GPR107: variants seen among roughly 807,000 people sequenced by gnomAD.
GPR107 encodes the protein protein GPR107.
Under a neutral mutation model 75.5 loss-of-function variants are expected in GPR107, and 31 were observed. The ratio of observed to expected loss-of-function variants is 0.41; its 90% confidence interval spans 0.31 to 0.55. The LOEUF is 0.55. Ranked by LOEUF, GPR107 falls within the 20% of genes least tolerant of loss-of-function variation. The pLI is 0.26. For missense variants in GPR107, 572 were observed against 665.7 expected (o/e 0.86, Z 1.55); for synonymous variants, 267 against 251.3 (o/e 1.06, Z -0.59).
chr9:130,135,032 A>T lies in GPR107; in HGVS notation c.1570A>T (p.Thr524Ser). 1 of 1,590,628 alleles carries T rather than the reference A, an allele frequency of 6.3e-7. No individual in the cohort carries two copies. Among genetic ancestry groups the T allele is most frequent in the Non-Finnish European group, 8.6e-7 (1 of 1,159,312 alleles). ...EDLEMESVVT[T>S]SGVMESMKKV... ...TTTTCTTTCCTTGTTCAGTGTGACAACATCTGGGGTGATGGAAAGTATGAA... is the reference window on the plus strand; with the variant it reads ...TTTTCTTTCCTTGTTCAGTGTGACATCATCTGGGGTGATGGAAAGTATGAA... The change falls in exon 18 of 18, where the codon ACA (threonine) becomes TCA (serine). Residue 524 changes from threonine (T) to serine (S), a missense_variant. By Grantham distance (58) the Thr-to-Ser change is moderately conservative. Transcript: ENST00000347136.
At chr9:130,121,582 C>G (rs1317843149) in intron 14 of GPR107, among the ~76,000 whole-genome samples, 1 of 152,224 alleles carries the variant, frequency 6.6e-6, no homozygotes, top group African/African-American at 2.4e-5. Flanking sequence ...ACTTTTCCTT[C>G]CCTGATATGT....
Position 130,105,740 on chromosome 9 carries a change from C to T in GPR107, c.1262+1190C>T, listed in dbSNP as rs563180742. Among the ~76,000 whole-genome samples the T allele has an allele frequency of 2.2e-4, 33 of 152,146 alleles. 1 individual carries two copies. In the South Asian group the frequency reaches 2.9e-3, roughly 13 times the overall value. On this transcript the variant is annotated intron_variant, in intron 13 of 17. Transcript: ENST00000347136. ...CACACATGATCTCGTATCAGTTCAG[C>T]AGACAGCTACCAGCATAGAAGAGAG...
chr9:130,077,283 G>A lies in GPR107; in HGVS notation c.307-16G>A. 1 of 1,332,494 alleles carries A rather than the reference G, an allele frequency of 7.5e-7. No individual in the cohort carries two copies. Among genetic ancestry groups the A allele is most frequent in the Non-Finnish European group, 1.1e-6 (1 of 922,870 alleles). The allele number at this position is 1,332,494 out of a possible 1,614,324, so 82.5% of individuals were successfully genotyped here. On this transcript the variant is annotated splice_polypyrimidine_tract_variant and intron_variant, in intron 3 of 17. Transcript: ENST00000347136. Reference sequence around the variant, plus strand: ...GAATGAATAAGATGATGTACAATTGGCTCTTCCTTTCTCAGGATGAAGATG... The same window carrying A: ...GAATGAATAAGATGATGTACAATTGACTCTTCCTTTCTCAGGATGAAGATG...
chr9:130,075,531 C>T, intron 1 of GPR107, 105 bp from the exon 2 acceptor site: 1 of 630,234 alleles, frequency 1.6e-6, no homozygotes, highest in Non-Finnish European at 2.9e-6. Context: ...CAGGCTTGAG[C>T]CACCGTGCCC....
Position 130,076,397 on chromosome 9 carries a change from T to A in GPR107, c.256-15T>A, listed in dbSNP as rs1203128259. 2 of 1,490,238 alleles carry A rather than the reference T, an allele frequency of 1.3e-6. No individual in the cohort carries two copies. The highest frequency in any genetic ancestry group is 1.9e-6 in the Non-Finnish European group (2 of 1,067,290). The allele number at this position is 1,490,238 out of a possible 1,614,324, so 92.3% of individuals were successfully genotyped here. ...TGTGTAGATATTTACTTCTACTGTT[T>A]TTACTCCCCATTAGATTGGATTTAG... On this transcript the variant is annotated splice_polypyrimidine_tract_variant and intron_variant, in intron 2 of 17. Transcript: ENST00000347136.
chr9:130,097,639 T>C (rs1830908019), intron 9 of GPR107, among the ~76,000 whole-genome samples: 1 of 152,148 alleles, frequency 6.6e-6, no homozygotes, highest in African/African-American at 2.4e-5. Flanking sequence ...TTTCTCTGAA[T>C]ATTGGTGATG....
intron 17 of GPR107, among the ~76,000 whole-genome samples, chr9:130,132,762 G>C (rs997174392): frequency 1.3e-5 from 2 of 151,096 alleles, no homozygotes; most frequent in South Asian, 4.2e-4. Flanking sequence ...CTCCAGCCTG[G>C]GTGACAGAGC....
chr9:130,064,116 GTTTATTCTT>G, intron 1 of GPR107, among the ~76,000 whole-genome samples: 1 of 145,344 alleles, frequency 6.9e-6, no homozygotes, highest in Non-Finnish European at 1.5e-5. Context: ...CCCAGCCAGG[GTTTATTCTT>G]TTTGTAACTA....
chr9:130,102,243 G>A (rs1446530907), intron 12 of GPR107, among the ~76,000 whole-genome samples: 3 of 152,150 alleles, frequency 2.0e-5, no homozygotes. Flanking sequence ...CCGGTCTTTC[G>A]GCTGTCGAGC....
At chr9:130,129,688 G>A (rs1831771042) in intron 17 of GPR107, 1 of 152,314 alleles carries the variant, frequency 6.6e-6, no homozygotes, top group Non-Finnish European at 1.5e-5. Context: ...GCCTTTCCCA[G>A]AAGTGGCAGG....
intron 14 of GPR107, chr9:130,120,840 T>C: frequency 6.6e-6 from 1 of 151,974 alleles, no homozygotes; most frequent in Non-Finnish European, 1.5e-5. Context: ...CCCTCTCCGT[T>C]GATTTTTCAG....
At chr9:130,059,471 G>C (rs772992490) in intron 1 of GPR107, among the ~76,000 whole-genome samples, 1 of 152,044 alleles carries the variant, frequency 6.6e-6, no homozygotes, top group Admixed American at 6.6e-5. Flanking sequence ...CTGTGCGATA[G>C]AGTGAGACTC....
intron 5 of GPR107, among the ~76,000 whole-genome samples, chr9:130,082,857 TAGGG>T (rs2087738798): frequency 6.6e-6 from 1 of 152,076 alleles, no homozygotes; most frequent in South Asian, 2.1e-4. Context: ...CTTCTTGCTG[TAGGG>T]AGGAAAGTAT....
rs1829653548 is a variant in GPR107 at position 130,054,038 on chromosome 9, C to G, written c.106C>G (p.Pro36Ala). 6.4e-7 allele frequency: 1 copy of G among 1,555,714 alleles called. No individual in the cohort carries two copies. Among genetic ancestry groups the G allele is most frequent in the Non-Finnish European group, 8.7e-7 (1 of 1,149,634 alleles). The change falls in exon 1 of 18, where the codon CCT (proline) becomes GCT (alanine). Residue 36 changes from proline (P) to alanine (A), a missense_variant. Physicochemically the swap from Pro to Ala is conservative, Grantham distance 27 (BLOSUM62 -1). Transcript: ENST00000347136. ...MLGLLQLLAE[P>A]GLGRVHHLAL... ...GGGTTTGCTGCAGTTGCTGGCCGAG[C>G]CTGGCCTGGGCCGCGTCCATCACCT...
chr9:130,095,184 G>A (rs555755333), intron 9 of GPR107, among the ~76,000 whole-genome samples: 1 of 151,996 alleles, frequency 6.6e-6, no homozygotes, highest in Non-Finnish European at 1.5e-5. Context: ...CTGCCTTCCT[G>A]TAAGAGTCTT....
chr9:130,085,753 G>GTTTTTTTTTTTTTTTTT (rs1189602398), intron 6 of GPR107, among the ~76,000 whole-genome samples: 23 of 32,258 alleles, frequency 7.1e-4, no homozygotes, highest in African/African-American at 1.8e-3. Context: ...GCAATATTTT[G>GTTTTTTTTTTTTTTTTT]ATTTTTTTTT....
Position 130,132,125 on chromosome 9 carries a change from TCCTCCCGCCTCAGCCGC to T in GPR107, c.1563-2897_1563-2881del, listed in dbSNP as rs544655236. Among the ~76,000 whole-genome samples the T allele has an allele frequency of 2.2e-3, 338 of 152,164 alleles. 2 individuals carry two copies. Among genetic ancestry groups the T allele is most frequent in the African/African-American group, 7.9e-3 (330 of 41,516 alleles). On this transcript the variant is annotated intron_variant, in intron 17 of 17. Coordinates refer to ENST00000347136, the MANE Select transcript of GPR107 (RefSeq NM_020960.5). Reference sequence around the variant, plus strand: ...GTCTCAAATTGCTGGGCTTAAGCAGTCCTCCCGCCTCAGCCGCCCAAAGTGCTGGGAATGCAGGCGTG... The same window carrying T: ...GTCTCAAATTGCTGGGCTTAAGCAGTCCAAAGTGCTGGGAATGCAGGCGTG...
At chr9:130,084,071 T>A (rs1335536366) in intron 6 of GPR107, among the ~76,000 whole-genome samples, 1 of 148,288 alleles carries the variant, frequency 6.7e-6, no homozygotes, top group African/African-American at 2.5e-5. Flanking sequence ...TATATATATG[T>A]ACACACATAC....
chr9:130,084,110 T>C (rs919623412), intron 6 of GPR107, among the ~76,000 whole-genome samples: 4 of 145,628 alleles, frequency 2.7e-5, no homozygotes, highest in Non-Finnish European at 3.0e-5. Flanking sequence ...ATATCTCATC[T>C]ACAGGGGGCC....
Sources: gnomAD v4.1 joint callset for allele counts (sites outside exome capture counted in the v4.1 genomes callset) on GRCh38, gnomAD v4.1.1 for gene constraint, MANE v1.5 for transcripts, NCBI Gene and HGNC (gene_info 2026-07-23, HGNC 2026-07-21) for gene names.